The following B3GAT2 variants were observed in gnomAD, a reference collection of about 807,000 sequenced individuals.
B3GAT2 encodes the protein galactosylgalactosylxylosylprotein 3-beta-glucuronosyltransferase 2.
B3GAT2 carries 26 observed loss-of-function variants against 27.8 expected under a neutral mutation model. That is an observed-to-expected ratio of 0.93 (90% CI 0.68 to 1.30). B3GAT2 has a LOEUF of 1.30. Ranked by LOEUF, B3GAT2 falls within the 50% of genes most tolerant of loss-of-function variation. The pLI is 0.00. For synonymous variants in B3GAT2, 218 were observed against 195.1 expected (o/e 1.12, Z -0.98); for missense variants, 458 against 459.0 (o/e 1.00, Z 0.02).
intron 2 of B3GAT2, among the ~76,000 whole-genome samples, chr6:70,880,811 G>A (rs758398836): frequency 3.3e-5 from 5 of 151,948 alleles, no homozygotes; most frequent in African/African-American, 4.8e-5. Context: ...GATCACAGGC[G>A]TGCACCACCA....
At position 70,946,751 on chromosome 6, in the gene B3GAT2, T is replaced by C. The variant is rs540189829; in HGVS notation, c.591+9088A>G. 3.2e-4 allele frequency among the ~76,000 whole-genome samples: 48 copies of C among 151,904 alleles called. 1 individual carries two copies. In the South Asian group the frequency reaches 9.8e-3, roughly 31 times the overall value. On this transcript the variant is annotated intron_variant, in intron 1 of 3. Transcript: ENST00000230053. ...CGGACCTAATACACATCTAAAGAAC[T>C]CTCCACCCCAAATCAACAGAATATA...
intron 2 of B3GAT2, among the ~76,000 whole-genome samples, chr6:70,890,307 G>A (rs1582356588): frequency 6.6e-6 from 1 of 151,810 alleles, no homozygotes; most frequent in Admixed American, 6.6e-5. Flanking sequence ...GATGCAATCC[G>A]AGGCTGCCAC....
chr6:70,899,841 AG>A (rs938709968), intron 1 of B3GAT2, among the ~76,000 whole-genome samples: 12 of 152,172 alleles, frequency 7.9e-5, no homozygotes, highest in South Asian at 2.1e-4. Context: ...TCTGAGGGGT[AG>A]GGGGAATGTA....
intron 1 of B3GAT2, among the ~76,000 whole-genome samples, chr6:70,929,212 G>T (rs571972426): frequency 7.2e-5 from 11 of 152,028 alleles, no homozygotes; most frequent in Non-Finnish European, 1.2e-4. Context: ...GTAGGGAGAG[G>T]GGGGAGGGAT....
rs1562224050 is a variant in B3GAT2, at chr6:70,902,663, CACATAT to C, written c.592-8397_592-8392del. On this transcript the variant is annotated intron_variant, in intron 1 of 3. Coordinates refer to ENST00000230053, the MANE Select transcript of B3GAT2 (RefSeq NM_080742.3). ...ACACACACACACACACACACACACA[CACATAT>C]ATATATATACACATAAACACAATAG... 9.1e-5 allele frequency among the ~76,000 whole-genome samples: 10 copies of C among 109,624 alleles called. No individual in the cohort carries two copies. The East Asian group carries it at 2.3e-3, about 25-fold the overall frequency. 71.9% of individuals were successfully genotyped at this position (109,624 alleles called of 152,430 possible).
At chr6:70,862,348 A>C (rs1771770737) in intron 2 of B3GAT2, among the ~76,000 whole-genome samples, 1 of 152,138 alleles carries the variant, frequency 6.6e-6, no homozygotes, top group African/African-American at 2.4e-5. Context: ...ATGCTTACCT[A>C]ACTACATGTG....
At chr6:70,932,828 G>A (rs1773081126) in intron 1 of B3GAT2, among the ~76,000 whole-genome samples, 2 of 152,184 alleles carry the variant, frequency 1.3e-5, no homozygotes, top group African/African-American at 4.8e-5. Flanking sequence ...TTGAGACAGG[G>A]TCTCAGTCTA....
chr6:70,936,142 A>G (rs974149007), intron 1 of B3GAT2, among the ~76,000 whole-genome samples: 3 of 152,020 alleles, frequency 2.0e-5, no homozygotes, highest in Admixed American at 6.6e-5. Flanking sequence ...AACAAAGATC[A>G]AAAGAGACAA....
At chr6:70,882,449 C>T (rs745495064) in intron 2 of B3GAT2, among the ~76,000 whole-genome samples, 2 of 151,806 alleles carry the variant, frequency 1.3e-5, no homozygotes, top group Non-Finnish European at 1.5e-5. Context: ...TGCAGTGAGC[C>T]GAGATCATGC....
At chr6:70,874,171 T>A (rs1045939101) in intron 2 of B3GAT2, among the ~76,000 whole-genome samples, 3 of 152,226 alleles carry the variant, frequency 2.0e-5, no homozygotes, top group Non-Finnish European at 4.4e-5. Context: ...TAATATAATG[T>A]GACAACTCTG....
chr6:70,892,353 T>C (rs1010521312), intron 2 of B3GAT2, among the ~76,000 whole-genome samples: 1 of 152,200 alleles, frequency 6.6e-6, no homozygotes. Flanking sequence ...ATTCAACAAG[T>C]CTATTTGATA....
At chr6:70,937,171 C>T (rs1001697370) in intron 1 of B3GAT2, among the ~76,000 whole-genome samples, 3 of 151,812 alleles carry the variant, frequency 2.0e-5, no homozygotes, top group South Asian at 2.1e-4. Context: ...ATAAATTCCT[C>T]GGCACATACA....
intron 2 of B3GAT2, among the ~76,000 whole-genome samples, chr6:70,867,954 AC>A (rs910546701): frequency 1.3e-4 from 20 of 152,206 alleles, no homozygotes; most frequent in African/African-American, 3.9e-4. Context: ...ATAAATCATG[AC>A]CACTTGAGGA....
At chr6:70,897,670 A>AAAT (rs1562222278) in intron 1 of B3GAT2, among the ~76,000 whole-genome samples, 2 of 92,346 alleles carry the variant, frequency 2.2e-5, no homozygotes, top group Non-Finnish European at 4.4e-5. Context: ...AAAAAAAAAA[A>AAAT]ATATATATAT....
At position 70,869,958 on chromosome 6, in the gene B3GAT2, A is replaced by T. The variant is rs534438479; in HGVS notation, c.737-7980T>A. Among the ~76,000 whole-genome samples the T allele has an allele frequency of 5.5e-3, 842 of 152,030 alleles. 7 individuals carry two copies. Among genetic ancestry groups the T allele is most frequent in the African/African-American group, 0.019 (777 of 41,366 alleles). On this transcript the variant is annotated intron_variant, in intron 2 of 3. Transcript: ENST00000230053. Reference sequence around the variant, plus strand: ...ACTGTTGGTGGGACTGTAAACTAGTAAAACCATTGTGGAAGTCAGTGTGGC... The same window carrying T: ...ACTGTTGGTGGGACTGTAAACTAGTTAAACCATTGTGGAAGTCAGTGTGGC...
chr6:70,944,130 G>A (rs1765437309), intron 1 of B3GAT2, among the ~76,000 whole-genome samples: 1 of 152,172 alleles, frequency 6.6e-6, no homozygotes, highest in Non-Finnish European at 1.5e-5. Context: ...CCGGTCTACA[G>A]CTCCCAGCGT....
chr6:70,873,118 T>C (rs1771963043), intron 2 of B3GAT2, among the ~76,000 whole-genome samples: 2 of 152,098 alleles, frequency 1.3e-5, no homozygotes, highest in African/African-American at 2.4e-5. Context: ...ATACTGCCTT[T>C]CAAAATTACC....
At position 70,860,120 on chromosome 6, in the gene B3GAT2, A is replaced by G; in HGVS notation, c.*1543T>C. 1 of 1,464,872 alleles carries G rather than the reference A, an allele frequency of 6.8e-7. No individual in the cohort carries two copies. The allele number at this position is 1,464,872 out of a possible 1,614,324, so 90.7% of individuals were successfully genotyped here. On this transcript the variant is annotated 3_prime_UTR_variant, in exon 4 of 4. Coordinates refer to ENST00000230053, the MANE Select transcript of B3GAT2 (RefSeq NM_080742.3). ...GACTAGTTGTCACATTAATGAAAAA[A>G]TGACCAACTGTGTGGCTAAAGAAAC...
chr6:70,910,647 T>C (rs1772675404), intron 1 of B3GAT2, among the ~76,000 whole-genome samples: 1 of 152,222 alleles, frequency 6.6e-6, no homozygotes, highest in African/African-American at 2.4e-5. Flanking sequence ...TGTGTGCATG[T>C]GTCTTTATGG....
Sources: gnomAD v4.1 joint callset for allele counts (sites outside exome capture counted in the v4.1 genomes callset) on GRCh38, gnomAD v4.1.1 for gene constraint, MANE v1.5 for transcripts, NCBI Gene and HGNC (gene_info 2026-07-23, HGNC 2026-07-21) for gene names.